The following PKN3 variants were observed in gnomAD, a reference collection of about 807,000 sequenced individuals.
PKN3 encodes the protein serine/threonine-protein kinase N3.
In PKN3, 91 loss-of-function variants were observed where a neutral mutation model predicts 113.1. The ratio of observed to expected loss-of-function variants is 0.80; its 90% confidence interval spans 0.68 to 0.96. The LOEUF is 0.96. Ranked by LOEUF, PKN3 falls within the 40% of genes least tolerant of loss-of-function variation. The pLI, the probability that PKN3 is intolerant of heterozygous loss-of-function variation, is 0.00. For synonymous variants in PKN3, 467 were observed against 499.0 expected (o/e 0.94, Z 0.85); for missense variants, 1,052 against 1,202.2 (o/e 0.88, Z 1.85).
chr9:128,715,454 TAG>T lies in PKN3; in HGVS notation c.1807_1808del (p.Ser603ProfsTer37), dbSNP rs748379167. On this transcript the variant is annotated frameshift_variant, in exon 15 of 22. Transcript: ENST00000291906. LOFTEE classifies it high-confidence loss of function. The surrounding 1 kb of genome is among the most constrained non-coding windows in gnomAD (Gnocchi z 4.1). Reference sequence around the variant, plus strand: ...CAGGAGGTGCTCAGCCGGGACGAGATAGAGAGGTGTGTGGGGGTGCCGCAGGG... The same window carrying T: ...CAGGAGGTGCTCAGCCGGGACGAGATAGAGGTGTGTGGGGGTGCCGCAGGG... 3 of 1,613,096 alleles carry T rather than the reference TAG, an allele frequency of 1.9e-6. No individual in the cohort carries two copies. Among genetic ancestry groups the T allele is most frequent in the Non-Finnish European group, 2.5e-6 (3 of 1,179,526 alleles).
chr9:128,712,954 C>T, intron 6 of PKN3, 98 bp from the exon 7 acceptor site: 1 of 1,351,084 alleles, frequency 7.4e-7, no homozygotes, highest in Non-Finnish European at 1.0e-6. Flanking sequence ...GTTCAGCCAC[C>T]TCCTGGAGAG....
At chr9:128,713,712 C>T (rs1346857686) in intron 9 of PKN3, 70 bp downstream of exon 9, 59 of 1,461,938 alleles carry the variant, frequency 4.0e-5, no homozygotes, top group Middle Eastern at 1.8e-4. Context: ...CCTTCAAGAC[C>T]GATGCACTGC....
chr9:128,713,727 A>G (rs1862252287), intron 9 of PKN3, 85 bp downstream of exon 9: 3 of 1,359,028 alleles, frequency 2.2e-6, no homozygotes, highest in Non-Finnish European at 3.1e-6. Flanking sequence ...CACTGCGTGT[A>G]GGTGCAGAGA....
At chr9:128,709,282 T>TC (rs1862110893) in intron 6 of PKN3, among the ~76,000 whole-genome samples, 1 of 31,536 alleles carries the variant, frequency 3.2e-5, no homozygotes, top group East Asian at 1.1e-3. Flanking sequence ...AGACTCTGTC[T>TC]CAAAAAAAAA....
Position 128,715,355 on chromosome 9 carries a change from C to G in PKN3, c.1717-14C>G. On this transcript the variant is annotated splice_polypyrimidine_tract_variant and intron_variant, in intron 14 of 21. Transcript: ENST00000291906. The surrounding 1 kb of genome is among the most constrained non-coding windows in gnomAD (Gnocchi z 4.1). ...GTCTGGCCCACCTGGAGCACAACCT[C>G]TCTCTGGCCCCAGGTCCTCCTGGTC... 4.3e-6 allele frequency: 7 copies of G among 1,612,844 alleles called. No individual in the cohort carries two copies. The highest frequency in any genetic ancestry group is 1.7e-5 in the Admixed American group (1 of 59,996).
At position 128,706,896 on chromosome 9, in the gene PKN3, G is replaced by A. The variant is rs376672674; in HGVS notation, c.524G>A (p.Gly175Glu). 2 of 1,613,994 alleles carry A rather than the reference G, an allele frequency of 1.2e-6. No homozygotes were observed. The highest frequency in any genetic ancestry group is 2.2e-5 in the East Asian group (1 of 44,894). ...SLEASGSPEP[G>E]PELLAEELQH... is the part of the protein sequence containing the mutation. ...CTGAGAGCCGCCGTCCTTCCCACAG[G>A]GCCTGAGCTGCTGGCGGAGGAGCTA... is the stretch of plus-strand genomic sequence containing the variant. Residue 175 changes from glycine (G) to glutamate (E), a missense_variant and splice_region_variant, in exon 5 of 22, where the codon GGG (glycine) becomes GAG (glutamate). Around this residue, in one of 2 missense-constraint regions of PKN3, gnomAD observed 719 missense variants for 759.4 expected, o/e 0.95. Coordinates refer to ENST00000291906, the MANE Select transcript of PKN3 (RefSeq NM_013355.5).
At chr9:128,705,250 G>T in intron 1 of PKN3, 53 bp from the exon 2 acceptor site, 2 of 1,542,720 alleles carry the variant, frequency 1.3e-6, no homozygotes, top group Non-Finnish European at 1.7e-6. Flanking sequence ...GCTGCTGGTG[G>T]CCGCTGCACC....
In PKN3 at chr9:128,714,364, A is replaced by C; in HGVS notation, c.1480A>C (p.Ser494Arg). ...LREASDPATPSNFLPKKTPLG... is the reference protein window; with the variant it reads ...LREASDPATPRNFLPKKTPLG... ...AGAGGCCTCTGACCCTGCCACTCCCAGGTGAGGAGCTCCCTTGCCCTAGAC... is the reference window on the plus strand; with the variant it reads ...AGAGGCCTCTGACCCTGCCACTCCCCGGTGAGGAGCTCCCTTGCCCTAGAC... Residue 494 changes from serine (S) to arginine (R), a missense_variant and splice_region_variant, in exon 11 of 22, where the codon AGT becomes CGT. By Grantham distance (110) the Ser-to-Arg change is moderately radical. Transcript: ENST00000291906. The C allele has an allele frequency of 6.3e-7, 1 of 1,598,232 alleles. No individual in the cohort carries two copies. Among genetic ancestry groups the C allele is most frequent in the Non-Finnish European group, 8.5e-7 (1 of 1,171,108 alleles).
intron 18 of PKN3, 116 bp downstream of exon 18, chr9:128,718,741 C>A: frequency 1.1e-6 from 1 of 941,692 alleles, no homozygotes; most frequent in Non-Finnish European, 1.7e-6. Flanking sequence ...TGCCCTGGTT[C>A]CACCACCCCA....
chr9:128,708,325 G>A (rs1862080962), intron 6 of PKN3, among the ~76,000 whole-genome samples: 1 of 151,884 alleles, frequency 6.6e-6, no homozygotes, highest in Non-Finnish European at 1.5e-5. Context: ...AGGTTGCAGT[G>A]AGCTGAGATT....
intron 1 of PKN3, chr9:128,703,827 C>A: frequency 1.0e-6 from 1 of 985,454 alleles, no homozygotes; most frequent in Non-Finnish European, 1.2e-6. Flanking sequence ...TCTGGAGGTC[C>A]CTCCGCCTGT....
rs771680594 is a variant in PKN3 at position 128,716,740 on chromosome 9, C to T, written c.1809-7C>T. 1 of 1,612,956 alleles carries T rather than the reference C, an allele frequency of 6.2e-7. No individual in the cohort carries two copies. The highest frequency in any genetic ancestry group is 1.1e-5 in the South Asian group (1 of 90,984). ...CTTCCCTCTAATACTCTTGCTCTCT[C>T]CTGTAGCCTGTACTGCGAGAAGCGG... On this transcript the variant is annotated splice_polypyrimidine_tract_variant and splice_region_variant and intron_variant, in intron 15 of 21. Coordinates refer to ENST00000291906, the MANE Select transcript of PKN3 (RefSeq NM_013355.5).
intron 9 of PKN3, 142 bp downstream of exon 9, chr9:128,713,784 T>G (rs1862254239): frequency 2.1e-6 from 2 of 933,740 alleles, no homozygotes; most frequent in Admixed American, 5.0e-5. Flanking sequence ...TCCTAGCCGC[T>G]CTCTCAGGGC....
chr9:128,709,206 A>C (rs1589480663), intron 6 of PKN3, among the ~76,000 whole-genome samples: 1 of 150,772 alleles, frequency 6.6e-6, no homozygotes. Context: ...AATGGCGGGA[A>C]CCCCGGGGGG....
intron 6 of PKN3, among the ~76,000 whole-genome samples, chr9:128,707,858 G>T (rs1862065051): frequency 6.6e-6 from 1 of 151,654 alleles, no homozygotes; most frequent in Non-Finnish European, 1.5e-5. Context: ...GGATCATGAG[G>T]TCAGGAGTTC....
In PKN3 at chr9:128,702,719, G is replaced by T; in HGVS notation, c.-197G>T. On this transcript the variant is annotated 5_prime_UTR_variant, in exon 1 of 22. Transcript: ENST00000291906. The stretch of plus-strand genomic sequence containing the variant: ...TGGGGCGCGGGACCTCGGGCGTGGG[G>T]TCCCGGGCGCTGGATCGGCGCGGAC... 2.0e-6 allele frequency: 1 copy of T among 501,336 alleles called. No individual in the cohort carries two copies. Among genetic ancestry groups the T allele is most frequent in the Non-Finnish European group, 3.5e-6 (1 of 289,176 alleles). 31.1% of individuals were successfully genotyped at this position (501,336 alleles called of 1,614,324 possible).
rs758262540 is a variant in PKN3, at chr9:128,719,697, G to A, written c.2137G>A (p.Gly713Arg). ...FGLCKEGIGFGDRTSTFCGTP... is the reference protein window; with the variant it reads ...FGLCKEGIGFRDRTSTFCGTP... The stretch of plus-strand genomic sequence containing the variant: ...CTGTTGGTTTGCAGGGATCGGCTTC[G>A]GGGACCGGACTAGCACCTTCTGTGG... Residue 713 changes from glycine (G) to arginine (R), a missense_variant, in exon 19 of 22, where the codon GGG becomes AGG. Physicochemically the swap from Gly to Arg is moderately radical, Grantham distance 125. Coordinates refer to ENST00000291906, the MANE Select transcript of PKN3 (RefSeq NM_013355.5). 28 of 1,550,806 alleles carry A rather than the reference G, an allele frequency of 1.8e-5. 1 individual carries two copies. Among genetic ancestry groups the A allele is most frequent in the South Asian group, 9.9e-5 (8 of 80,520 alleles).
Position 128,707,363 on chromosome 9 carries a change from C to T in PKN3, c.793C>T (p.Pro265Ser), listed in dbSNP as rs1218943989. Reference protein sequence around the residue: ...RELRAAVPGYPQPSGTPVKPT... With the variant: ...RELRAAVPGYSQPSGTPVKPT... The stretch of plus-strand genomic sequence containing the variant: ...GTTGCGGGCTGCGGTGCCTGGATAC[C>T]CCCAGCCTTCAGGGACACCTGTGAA... Residue 265 changes from proline (P) to serine (S), a missense_variant, in exon 6 of 22, where the codon CCC becomes TCC. This residue lies in a region of PKN3 where 719 missense variants were observed against 759.4 expected (regional missense o/e 0.95). Coordinates refer to ENST00000291906, the MANE Select transcript of PKN3 (RefSeq NM_013355.5). The T allele has an allele frequency of 3.1e-6, 5 of 1,612,934 alleles. No individual in the cohort carries two copies. Among genetic ancestry groups the T allele is most frequent in the Non-Finnish European group, 4.2e-6 (5 of 1,179,604 alleles).
intron 6 of PKN3, among the ~76,000 whole-genome samples, chr9:128,708,002 C>T (rs1004674641): frequency 7.0e-6 from 1 of 141,870 alleles, no homozygotes; most frequent in Non-Finnish European, 1.5e-5. Context: ...ACCCCGGAGG[C>T]GGAGGTTGCA....
Sources: allele counts gnomAD v4.1 joint callset (sites outside exome capture counted in the v4.1 genomes callset), GRCh38; gene constraint gnomAD v4.1.1; regional missense constraint gnomAD v4.1.1; non-coding constraint Gnocchi (gnomAD v3.1); transcripts MANE v1.5; gene names NCBI Gene and HGNC (gene_info 2026-07-23, HGNC 2026-07-21).